The following GJC1 variants were observed in gnomAD, a reference collection of about 807,000 sequenced individuals.
GJC1 encodes the protein gap junction protein gamma 1, also known as gap junction gamma-1 protein.
GJC1 carries 5 observed loss-of-function variants against 29.3 expected under a neutral mutation model. The ratio of observed to expected loss-of-function variants is 0.17; its 90% CI spans 0.09 to 0.36. GJC1 has a LOEUF of 0.36. Ranked by LOEUF, GJC1 falls within the 10% of genes least tolerant of loss-of-function variation. The pLI is 1.00. For missense variants in GJC1, 310 were observed against 496.2 expected (o/e 0.62, Z 3.56); for synonymous variants, 177 against 183.3 (o/e 0.97, Z 0.28).
At chr17:44,830,654 G>A (rs1046774563), upstream of GJC1, 3 of 398,656 alleles carry the variant, frequency 7.5e-6, no homozygotes, top group Non-Finnish European at 1.3e-5. The surrounding 1 kb of genome is among the most constrained non-coding windows in gnomAD (Gnocchi z 4.3). Context: ...ATCCTGGGTT[G>A]GTTTAGCGGG....
Position 44,804,617 on chromosome 17 carries a change from C to G in GJC1, c.*10G>C, listed in dbSNP as rs748790819. 5.0e-6 allele frequency: 8 copies of G among 1,586,788 alleles called. No homozygotes were observed. Among genetic ancestry groups the G allele is most frequent in the Non-Finnish European group, 6.9e-6 (8 of 1,160,428 alleles). On this transcript the variant is annotated 3_prime_UTR_variant, in exon 3 of 3. Transcript: ENST00000592524. ...AACTATGAAAAGCACAGGTTTTAAGCCCGCCAGGATTAAATCCAGACGGAG... is the reference window on the plus strand; with the variant it reads ...AACTATGAAAAGCACAGGTTTTAAGGCCGCCAGGATTAAATCCAGACGGAG...
chr17:44,811,933 G>A (rs1050435578), intron 1 of GJC1, among the ~76,000 whole-genome samples: 1 of 151,824 alleles, frequency 6.6e-6, no homozygotes, highest in African/African-American at 2.4e-5. Flanking sequence ...AATCTGGGAG[G>A]CAGAGGTTGC....
At position 44,816,137 on chromosome 17, in the gene GJC1, A is replaced by AAC. The variant is rs1307173543; in HGVS notation, c.-96-8669_-96-8668insGT. On this transcript the variant is annotated intron_variant, in intron 1 of 2. Transcript: ENST00000592524. ...CAAAAAAAAAAAAAAAAAAAAAAAA[A>AAC]AGTTGCTTTTTTCTAGAACGGCTTC... Among the ~76,000 whole-genome samples, 8 of 150,836 alleles carry AAC rather than the reference A, an allele frequency of 5.3e-5. No individual in the cohort carries two copies. The East Asian group carries it at 1.4e-3, about 26-fold the overall frequency.
chr17:44,820,592 G>T (rs957638783), intron 1 of GJC1, among the ~76,000 whole-genome samples: 1 of 152,106 alleles, frequency 6.6e-6, no homozygotes, highest in Admixed American at 6.6e-5. Context: ...CTTCCCAAAC[G>T]ATCATTTCAG....
rs1229788523 is a variant in GJC1, at chr17:44,801,121, A to T, written c.*3506T>A. 6 of 152,004 alleles carry T rather than the reference A, an allele frequency of 3.9e-5. No homozygotes were observed. Among genetic ancestry groups the T allele is most frequent in the Non-Finnish European group, 7.4e-5 (5 of 68,018 alleles). 9.4% of individuals were successfully genotyped at this position (152,004 alleles called of 1,614,324 possible). A position where few individuals can be genotyped will look rare whatever the true frequency, so the allele number is the denominator to read the frequency against. ...ACATGATGAAGCCCTGTCTATATTAAAAATACAAAAAAAATCAGCCTGGTA... is the reference window on the plus strand; with the variant it reads ...ACATGATGAAGCCCTGTCTATATTATAAATACAAAAAAAATCAGCCTGGTA... On this transcript the variant is annotated 3_prime_UTR_variant, in exon 3 of 3. Transcript: ENST00000592524.
intron 1 of GJC1, among the ~76,000 whole-genome samples, chr17:44,825,188 CAAAA>C (rs1162077867): frequency 2.5e-3 from 115 of 45,962 alleles, no homozygotes; most frequent in African/African-American, 0.011. Flanking sequence ...GTCTCAATTA[CAAAA>C]AAAAAAAAAA....
intron 1 of GJC1, among the ~76,000 whole-genome samples, chr17:44,827,729 G>A (rs867580516): frequency 2.6e-5 from 4 of 152,164 alleles, no homozygotes; most frequent in Middle Eastern, 6.8e-3. Context: ...TCAGGAGATC[G>A]GGACCATCAT....
chr17:44,813,472 C>T (rs1383622981), intron 1 of GJC1, among the ~76,000 whole-genome samples: 1 of 148,596 alleles, frequency 6.7e-6, no homozygotes, highest in Non-Finnish European at 1.5e-5. Context: ...CCTTTCCTCT[C>T]CTTCCAAGTT....
rs1315679940 is a variant in GJC1 at position 44,800,417 on chromosome 17, G to C, written c.*4210C>G. ...GCCACCATGCCTGGCCAAAACCTTT[G>C]ATTTTTAAAAAGGCGTTTCTTGAAG... On this transcript the variant is annotated 3_prime_UTR_variant, in exon 3 of 3. Coordinates refer to ENST00000592524, the MANE Select transcript of GJC1 (RefSeq NM_005497.4). The C allele has an allele frequency of 6.6e-6, 1 of 152,064 alleles. No homozygotes were observed. Among genetic ancestry groups the C allele is most frequent in the Non-Finnish European group, 1.5e-5 (1 of 68,014 alleles). 9.4% of individuals were successfully genotyped at this position (152,064 alleles called of 1,614,324 possible). A position where few individuals can be genotyped will look rare whatever the true frequency, so the allele number is the denominator to read the frequency against.
intron 1 of GJC1, among the ~76,000 whole-genome samples, chr17:44,811,388 CTTTTTTT>C (rs573359174): frequency 2.9e-4 from 37 of 128,096 alleles, no homozygotes; most frequent in Admixed American, 5.6e-4. Flanking sequence ...GGCCTTTTTT[CTTTTTTT>C]TTTTTTTTTT....
chr17:44,818,732 T>C (rs775021467), intron 1 of GJC1, among the ~76,000 whole-genome samples: 4 of 151,902 alleles, frequency 2.6e-5, no homozygotes, highest in Non-Finnish European at 5.9e-5. Flanking sequence ...AAGGCAGAGG[T>C]TGCAGTGAGC....
downstream of GJC1, chr17:44,797,568 T>G (rs1233834963): frequency 6.6e-6 from 1 of 152,224 alleles, no homozygotes; most frequent in Non-Finnish European, 1.5e-5. Context: ...CAGACCTGGA[T>G]TCTGTTCCCA....
intron 1 of GJC1, among the ~76,000 whole-genome samples, chr17:44,813,744 C>T (rs1005174925): frequency 3.9e-5 from 6 of 152,056 alleles, no homozygotes; most frequent in African/African-American, 1.2e-4. Flanking sequence ...CTGCTCACCT[C>T]GGCCTCCCAA....
chr17:44,821,496 G>A (rs1367543230), intron 1 of GJC1, among the ~76,000 whole-genome samples: 3 of 151,632 alleles, frequency 2.0e-5, no homozygotes, highest in Non-Finnish European at 4.4e-5. Flanking sequence ...TCAGGAGTTC[G>A]AGACCAGCCT....
chr17:44,830,675 T>G (rs2050224061), upstream of GJC1: 2 of 398,534 alleles, frequency 5.0e-6, no homozygotes, highest in Admixed American at 4.4e-5. This position sits in a 1 kb window ranked among gnomAD's most constrained non-coding sequence, Gnocchi z 4.3. Context: ...CCCAGAGTTG[T>G]CTTCTGCGCG....
At chr17:44,822,002 C>T (rs1182321601) in intron 1 of GJC1, among the ~76,000 whole-genome samples, 1 of 151,128 alleles carries the variant, frequency 6.6e-6, no homozygotes, top group Admixed American at 6.6e-5. Flanking sequence ...TCAAGACCAT[C>T]CTGGCTAACA....
At position 44,807,690 on chromosome 17, in the gene GJC1, C is replaced by G. The variant is rs139258342; in HGVS notation, c.-96-221G>C. The G allele has an allele frequency of 1.4e-4, 22 of 152,218 alleles. No homozygotes were observed. The East Asian group carries it at 3.3e-3, about 23-fold the overall frequency. 9.4% of individuals were successfully genotyped at this position (152,218 alleles called of 1,614,324 possible). On this transcript the variant is annotated intron_variant, in intron 1 of 2. Coordinates refer to ENST00000592524, the MANE Select transcript of GJC1 (RefSeq NM_005497.4). ...GGTGACCCAAAGATTCTTAAGTCAC[C>G]ACAGTCTAAGAATATACGACAGGAA...
At position 44,802,599 on chromosome 17, in the gene GJC1, G is replaced by A. The variant is rs921107200; in HGVS notation, c.*2028C>T. On this transcript the variant is annotated 3_prime_UTR_variant, in exon 3 of 3. Transcript: ENST00000592524. The stretch of plus-strand genomic sequence containing the variant: ...TCAGTCTCACCTGAGTTTAATTTTT[G>A]CCTAAGATGTTTAGAGTTCCTGAGG... 6.6e-6 allele frequency: 1 copy of A among 152,086 alleles called. No homozygotes were observed. Among genetic ancestry groups the A allele is most frequent in the African/African-American group, 2.4e-5 (1 of 41,410 alleles). The allele number at this position is 152,086 out of a possible 1,614,324, so 9.4% of individuals were successfully genotyped here. A position where few individuals can be genotyped will look rare whatever the true frequency, so the allele number is the denominator to read the frequency against.
rs947750804 is a variant in GJC1, at chr17:44,799,247, C to G, written c.*5380G>C. 1 of 152,226 alleles carries G rather than the reference C, an allele frequency of 6.6e-6. No individual in the cohort carries two copies. The highest frequency in any genetic ancestry group is 1.5e-5 in the Non-Finnish European group (1 of 68,120). The allele number at this position is 152,226 out of a possible 1,614,324, so 9.4% of individuals were successfully genotyped here. On this transcript the variant is annotated 3_prime_UTR_variant, in exon 3 of 3. Transcript: ENST00000592524. ...TTTGGCGACAGTCTTACTCTGTCAC[C>G]CAGGCTGGAGTGCAGTGGCGCGATC... is the stretch of plus-strand genomic sequence containing the variant.
Sources: allele counts gnomAD v4.1 joint callset (sites outside exome capture counted in the v4.1 genomes callset), GRCh38; gene constraint gnomAD v4.1.1; non-coding constraint Gnocchi (gnomAD v3.1); transcripts MANE v1.5; gene names NCBI Gene and HGNC (gene_info 2026-07-23, HGNC 2026-07-21).